Variants in CDH9 observed in about 807,000 individuals in gnomAD.
CDH9 encodes cadherin 9, also known as cadherin-9.
A neutral mutation model predicts 70.9 loss-of-function variants in CDH9; 28 were observed. The ratio of observed to expected loss-of-function variants is 0.40; its 90% CI spans 0.29 to 0.54. The LOEUF is 0.54. Among genes scored for constraint, CDH9 ranks in the 20% least tolerant of loss-of-function variants. The pLI is 0.59. For synonymous variants in CDH9, 409 were observed against 343.1 expected, an observed-to-expected ratio of 1.19 and a Z score of -2.12; for missense variants, 874 against 984.4, an observed-to-expected ratio of 0.89 and a Z score of 1.50.
At chr5:26,969,150 G>T (rs559690772) in intron 2 of CDH9, among the ~76,000 whole-genome samples, 1 of 152,188 alleles carries the variant, frequency 6.6e-6, no homozygotes, top group African/African-American at 2.4e-5. Context: ...ACTGATAGGA[G>T]GTTCCTTTGT....
At chr5:26,908,141 G>C (rs780347609) in intron 3 of CDH9, among the ~76,000 whole-genome samples, 1 of 152,200 alleles carries the variant, frequency 6.6e-6, no homozygotes, top group East Asian at 1.9e-4. Context: ...TGAGGCCTCT[G>C]TTTTCTCAAC....
intron 1 of CDH9, among the ~76,000 whole-genome samples, chr5:26,990,701 C>G (rs1476901355): frequency 1.3e-5 from 2 of 152,180 alleles, no homozygotes; most frequent in Admixed American, 6.5e-5. Context: ...GGAAAATGAA[C>G]AGCCAGAGAA....
intron 2 of CDH9, among the ~76,000 whole-genome samples, chr5:26,920,366 G>T (rs1003722055): frequency 6.6e-6 from 1 of 151,978 alleles, no homozygotes; most frequent in South Asian, 2.1e-4. Flanking sequence ...AACCCACACA[G>T]ATTTATAAGG....
At chr5:27,010,770 T>C (rs1229621645) in intron 1 of CDH9, among the ~76,000 whole-genome samples, 1 of 152,154 alleles carries the variant, frequency 6.6e-6, no homozygotes, top group African/African-American at 2.4e-5. Flanking sequence ...AGACAGCATT[T>C]CATTTCTGGT....
chr5:26,912,976 C>T (rs1392218963), intron 3 of CDH9, among the ~76,000 whole-genome samples: 1 of 152,098 alleles, frequency 6.6e-6, no homozygotes, highest in African/African-American at 2.4e-5. Flanking sequence ...TCTTTGCCTG[C>T]TGCCATCCGT....
At chr5:27,009,388 A>G (rs1221419561) in intron 1 of CDH9, among the ~76,000 whole-genome samples, 1 of 152,136 alleles carries the variant, frequency 6.6e-6, no homozygotes, top group Non-Finnish European at 1.5e-5. Context: ...AAACACAATA[A>G]ATGATTTACC....
At chr5:27,001,143 G>C (rs1421939005) in intron 1 of CDH9, among the ~76,000 whole-genome samples, 1 of 152,108 alleles carries the variant, frequency 6.6e-6, no homozygotes, top group Non-Finnish European at 1.5e-5. Context: ...TTAGTAGGTA[G>C]GAGCTGGAAA....
chr5:26,917,480 T>C (rs539073020), intron 2 of CDH9, among the ~76,000 whole-genome samples: 1 of 152,220 alleles, frequency 6.6e-6, no homozygotes, highest in Admixed American at 6.5e-5. Flanking sequence ...CATCATATAC[T>C]TTACAATTCC....
At chr5:26,972,777 T>C (rs751081470) in intron 2 of CDH9, among the ~76,000 whole-genome samples, 5 of 152,156 alleles carry the variant, frequency 3.3e-5, no homozygotes, top group Non-Finnish European at 5.9e-5. Context: ...TAGTTGCAGA[T>C]TGTGGGTAGG....
In CDH9 at chr5:26,881,073, G is replaced by A. The variant is rs1032736370; in HGVS notation, c.*63C>T. On this transcript the variant is annotated 3_prime_UTR_variant, in exon 12 of 12. Coordinates refer to ENST00000231021, the MANE Select transcript of CDH9 (RefSeq NM_016279.4). ...GATTTCCTCCCAGGAAGAGAATGCA[G>A]GCCACTCAATCTAATAACATAGACA... The A allele has an allele frequency of 7.1e-7, 1 of 1,413,064 alleles. No individual in the cohort carries two copies. Among genetic ancestry groups the A allele is most frequent in the Non-Finnish European group, 9.6e-7 (1 of 1,042,002 alleles). The allele number at this position is 1,413,064 out of a possible 1,614,324, so 87.5% of individuals were successfully genotyped here.
chr5:26,995,604 C>T (rs1742652259), intron 1 of CDH9, among the ~76,000 whole-genome samples: 1 of 152,068 alleles, frequency 6.6e-6, no homozygotes, highest in Non-Finnish European at 1.5e-5. Context: ...AACACCTGTA[C>T]ATTCCTCTGC....
At chr5:26,977,102 C>T (rs896268712) in intron 2 of CDH9, among the ~76,000 whole-genome samples, 1 of 151,944 alleles carries the variant, frequency 6.6e-6, no homozygotes, top group African/African-American at 2.4e-5. Context: ...AGTCCATCTT[C>T]AAATATGCCC....
chr5:26,957,264 T>A (rs13355586), intron 2 of CDH9, among the ~76,000 whole-genome samples: 5 of 152,080 alleles, frequency 3.3e-5, no homozygotes, highest in African/African-American at 1.2e-4. Flanking sequence ...GTAGGAGTGC[T>A]GTGAAGGCAT....
chr5:26,982,557 A>G (rs150487952), intron 2 of CDH9, among the ~76,000 whole-genome samples: 3 of 152,324 alleles, frequency 2.0e-5, no homozygotes, highest in Non-Finnish European at 2.9e-5. Flanking sequence ...GAGTAAACCT[A>G]TATTGTCAAA....
intron 3 of CDH9, among the ~76,000 whole-genome samples, chr5:26,908,718 GA>G (rs1381490419): frequency 1.8e-4 from 27 of 152,130 alleles, no homozygotes; most frequent in Admixed American, 1.8e-3. Flanking sequence ...ATAAACAACA[GA>G]AATAAACTCT....
intron 3 of CDH9, among the ~76,000 whole-genome samples, chr5:26,910,914 C>T (rs757420563): frequency 7.2e-5 from 11 of 152,070 alleles, no homozygotes; most frequent in Non-Finnish European, 1.6e-4. Context: ...GCTGTGGGGG[C>T]CACTAATAAG....
intron 2 of CDH9, among the ~76,000 whole-genome samples, chr5:26,917,838 T>C (rs1014492991): frequency 4.6e-5 from 7 of 152,078 alleles, no homozygotes; most frequent in Non-Finnish European, 5.9e-5. Context: ...ACAAATGTAG[T>C]CTTATTACAA....
At chr5:26,977,485 G>GTGTA (rs1491302863) in intron 2 of CDH9, among the ~76,000 whole-genome samples, 6 of 68,832 alleles carry the variant, frequency 8.7e-5, no homozygotes, top group African/African-American at 4.9e-4. Context: ...GTGTGTGTGT[G>GTGTA]TATATATATA....
intron 11 of CDH9, among the ~76,000 whole-genome samples, chr5:26,883,091 A>ATATG (rs1740499853): frequency 1.6e-5 from 2 of 126,612 alleles, no homozygotes; most frequent in Non-Finnish European, 3.3e-5. Flanking sequence ...ATATATATAT[A>ATATG]TATAAAACTG....
Sources: gnomAD v4.1 joint callset for allele counts (sites outside exome capture counted in the v4.1 genomes callset) on GRCh38, gnomAD v4.1.1 for gene constraint, MANE v1.5 for transcripts, NCBI Gene and HGNC (gene_info 2026-07-23, HGNC 2026-07-21) for gene names.